The following AGTPBP1 variants were observed in gnomAD, a reference collection of about 807,000 sequenced individuals.
The protein encoded by AGTPBP1 is ATP/GTP binding carboxypeptidase 1, also known as cytosolic carboxypeptidase 1.
A neutral mutation model predicts 143.9 loss-of-function variants in AGTPBP1; 70 were observed. That is an observed-to-expected ratio of 0.49 (90% CI 0.40 to 0.59). The LOEUF is 0.59. AGTPBP1 is among the 20% of genes least tolerant of loss of function. The pLI, the probability that AGTPBP1 is intolerant of heterozygous loss-of-function variation, is 0.00. For synonymous variants in AGTPBP1, 463 were observed against 500.2 expected (o/e 0.93, Z 0.99); for missense variants, 1,229 against 1,464.5 (o/e 0.84, Z 2.62).
At chr9:85,579,244 A>T (rs1393692126) in intron 23 of AGTPBP1, 148 bp from the exon 24 acceptor site, 2 of 734,996 alleles carry the variant, frequency 2.7e-6, no homozygotes, top group Non-Finnish European at 4.1e-6. Flanking sequence ...TCAAACAGCA[A>T]AACAATCCTC....
At chr9:85,693,657 A>C (rs981188691) in intron 2 of AGTPBP1, among the ~76,000 whole-genome samples, 4 of 152,154 alleles carry the variant, frequency 2.6e-5, no homozygotes, top group Non-Finnish European at 4.4e-5. Flanking sequence ...ATATAGTGTA[A>C]ACAAAACAAG....
At chr9:85,787,188 T>C in the AGTPBP1 span, among the ~76,000 whole-genome samples, 2 of 152,230 alleles carry the variant, frequency 1.3e-5, no homozygotes, top group East Asian at 1.9e-4. Flanking sequence ...TAAAAATTTA[T>C]AATGCTATCT....
chr9:85,787,645 CT>C, the AGTPBP1 span, among the ~76,000 whole-genome samples: 6 of 152,058 alleles, frequency 3.9e-5, no homozygotes, highest in Non-Finnish European at 5.9e-5. Context: ...GTAGTTTGTA[CT>C]TTTTAACCAT....
At chr9:85,588,202 A>C (rs1828734543) in intron 21 of AGTPBP1, 96 bp downstream of exon 21, 3 of 1,117,952 alleles carry the variant, frequency 2.7e-6, no homozygotes, top group Non-Finnish European at 2.4e-6. Flanking sequence ...TAGAAAAATC[A>C]CTAAGTTTGT....
At position 85,621,268 on chromosome 9, in the gene AGTPBP1, T is replaced by C; in HGVS notation, c.2033A>G (p.Asp678Gly). Residue 678 changes from aspartate to glycine, a missense_variant, in exon 15 of 26, where the codon GAT (aspartate) becomes GGT (glycine). Asp to Gly is a moderately conservative substitution (Grantham distance 94). Around this residue, in one of 2 missense-constraint regions of AGTPBP1, gnomAD observed 743 missense variants for 812.2 expected, o/e 0.91. Transcript: ENST00000357081. ...ACTCTGATGTATTAGCCTTTCAATA[T>C]CTTGAGCAATTTTTGTCCTGAAATC... is the stretch of plus-strand genomic sequence containing the variant. The part of the protein sequence containing the change: ...YGVQRTKIAQ[D>G]IERLIHQSDI... 6.9e-7 allele frequency: 1 copy of C among 1,444,818 alleles called. No individual in the cohort carries two copies. The highest frequency in any genetic ancestry group is 9.1e-7 in the Non-Finnish European group (1 of 1,101,126). 89.5% of individuals were successfully genotyped at this position (1,444,818 alleles called of 1,614,324 possible). A position where few individuals can be genotyped will look rare whatever the true frequency, so the allele number is the denominator to read the frequency against.
At chr9:85,784,256 C>T in the AGTPBP1 span, among the ~76,000 whole-genome samples, 3 of 152,290 alleles carry the variant, frequency 2.0e-5, no homozygotes, top group East Asian at 1.9e-4. Context: ...TTTCCCTAGT[C>T]GGTTCCCTCA....
chr9:85,771,809 G>A, the AGTPBP1 span, among the ~76,000 whole-genome samples: 4 of 151,614 alleles, frequency 2.6e-5, no homozygotes, highest in African/African-American at 7.3e-5. Context: ...CCGCCACCAC[G>A]CCTGGCTAAT....
rs112505427 is a variant in AGTPBP1, at chr9:85,741,491, C to G, written c.-34+284G>C. 2.8e-3 allele frequency: 2,732 copies of G among 985,390 alleles called. 52 individuals carry two copies. The African/African-American group carries it at 0.04, about 14-fold the overall frequency. The allele number at this position is 985,390 out of a possible 1,614,324, so 61.0% of individuals were successfully genotyped here. On this transcript the variant is annotated intron_variant, in intron 1 of 25. Transcript: ENST00000357081. ...CCGCCCAGAGACCGCGCCCGATACCCTCCGCAAGGTCTGGGACGGGGATCC... is the reference window on the plus strand; with the variant it reads ...CCGCCCAGAGACCGCGCCCGATACCGTCCGCAAGGTCTGGGACGGGGATCC...
At chr9:85,663,524 T>A (rs1296880557) in intron 8 of AGTPBP1, among the ~76,000 whole-genome samples, 1 of 149,658 alleles carries the variant, frequency 6.7e-6, no homozygotes. Context: ...TACAAAAATA[T>A]CCAGCACTCA....
At chr9:85,596,172 T>C (rs1829288942) in intron 18 of AGTPBP1, among the ~76,000 whole-genome samples, 190 bp downstream of exon 18, 1 of 152,166 alleles carries the variant, frequency 6.6e-6, no homozygotes, top group African/African-American at 2.4e-5. Context: ...TACAACACAT[T>C]TTACTTCTAC....
chr9:85,756,048 T>G, the AGTPBP1 span: 1 of 1,462,712 alleles, frequency 6.8e-7, no homozygotes, highest in Non-Finnish European at 9.1e-7. Context: ...GAAAAACAAG[T>G]AATTTTTTTT....
the AGTPBP1 span, among the ~76,000 whole-genome samples, chr9:85,771,312 C>A: frequency 6.6e-6 from 1 of 152,060 alleles, no homozygotes; most frequent in Non-Finnish European, 1.5e-5. Flanking sequence ...CCTATCTTTA[C>A]AAAAAATACC....
rs1170012421 is a variant in AGTPBP1 at position 85,546,813 on chromosome 9, T to C, written c.*296A>G. The stretch of plus-strand genomic sequence containing the variant: ...TCAAAATTATCCACTTGATGCAGGA[T>C]ATAACCATAGGGAGATAAAAATTCA... On this transcript the variant is annotated 3_prime_UTR_variant, in exon 26 of 26. Transcript: ENST00000357081. 1 of 204,752 alleles carries C rather than the reference T, an allele frequency of 4.9e-6. No homozygotes were observed. Among genetic ancestry groups the C allele is most frequent in the Non-Finnish European group, 9.7e-6 (1 of 103,234 alleles). 12.7% of individuals were successfully genotyped at this position (204,752 alleles called of 1,614,324 possible).
intron 9 of AGTPBP1, among the ~76,000 whole-genome samples, chr9:85,660,307 G>A (rs1283017410): frequency 6.6e-6 from 1 of 151,816 alleles, no homozygotes; most frequent in African/African-American, 2.4e-5. Context: ...GACCCCTGAA[G>A]CCCCCCAAAA....
chr9:85,752,499 T>G, the AGTPBP1 span, among the ~76,000 whole-genome samples: 1 of 152,232 alleles, frequency 6.6e-6, no homozygotes, highest in Non-Finnish European at 1.5e-5. Context: ...ACTCTTATCC[T>G]TGTTACGCTA....
At position 85,702,557 on chromosome 9, in the gene AGTPBP1, A is replaced by T. The variant is rs536686168; in HGVS notation, c.33-9744T>A. ...TTATGATCTTCACAGAGGTAACTACATCATCAGTTTTTTTTTTTTAATTTG... is the reference window on the plus strand; with the variant it reads ...TTATGATCTTCACAGAGGTAACTACTTCATCAGTTTTTTTTTTTTAATTTG... On this transcript the variant is annotated intron_variant, in intron 2 of 25. Transcript: ENST00000357081. Among the ~76,000 whole-genome samples, 195 of 147,642 alleles carry T rather than the reference A, an allele frequency of 1.3e-3. 1 individual carries two copies. Among genetic ancestry groups the T allele is most frequent in the Non-Finnish European group, 1.1e-3 (77 of 67,208 alleles).
chr9:85,695,283 G>A (rs780925557), intron 2 of AGTPBP1, among the ~76,000 whole-genome samples: 1 of 151,998 alleles, frequency 6.6e-6, no homozygotes, highest in Non-Finnish European at 1.5e-5. Flanking sequence ...CCTCATGGTC[G>A]GCCTGTACTG....
chr9:85,739,479 T>C (rs1183918216), intron 1 of AGTPBP1, among the ~76,000 whole-genome samples: 1 of 151,410 alleles, frequency 6.6e-6, no homozygotes. Context: ...GAGGCCGAGG[T>C]GGGCAGACCA....
At chr9:85,612,555 T>G (rs890261192) in intron 17 of AGTPBP1, among the ~76,000 whole-genome samples, 1 of 152,184 alleles carries the variant, frequency 6.6e-6, no homozygotes, top group East Asian at 1.9e-4. Flanking sequence ...AGTGTTTCCC[T>G]GAGTCCTGTG....
Sources: allele counts gnomAD v4.1 joint callset (sites outside exome capture counted in the v4.1 genomes callset), GRCh38; gene constraint gnomAD v4.1.1; regional missense constraint gnomAD v4.1.1; transcripts MANE v1.5; gene names NCBI Gene and HGNC (gene_info 2026-07-23, HGNC 2026-07-21).